Variants in CSMD3 observed in about 807,000 individuals in gnomAD.
CSMD3 encodes the protein CUB and sushi domain-containing protein 3.
Under a neutral mutation model 435.2 loss-of-function variants are expected in CSMD3, and 177 were observed. The observed-to-expected ratio is 0.41, with a 90% confidence interval of 0.36 to 0.46. CSMD3 has a LOEUF of 0.46. CSMD3 is among the 20% of genes least tolerant of loss of function. CSMD3 has a pLI of 0.34. For synonymous variants in CSMD3, 1,656 were observed against 1,520.5 expected (o/e 1.09, Z -2.07); for missense variants, 4,265 against 4,504.6 (o/e 0.95, Z 1.52).
Position 112,550,927 on chromosome 8 carries a change from G to GA in CSMD3, c.4362-55dup, listed in dbSNP as rs1203905251. 9.2e-5 allele frequency: 121 copies of GA among 1,310,556 alleles called. No homozygotes were observed. In the African/African-American group the frequency reaches 1.6e-3, roughly 17 times the overall value. 81.2% of individuals were successfully genotyped at this position (1,310,556 alleles called of 1,614,324 possible). On this transcript the variant is annotated intron_variant, in intron 26 of 70. Coordinates refer to ENST00000297405, the MANE Select transcript of CSMD3 (RefSeq NM_198123.2). ...TTTTAAACAAGGATTCAACTTTAAA[G>GA]AAAAAATAGAACAAATGTGCATTAT...
At chr8:112,535,973 C>A (rs1323929969) in intron 27 of CSMD3, among the ~76,000 whole-genome samples, 246 of 151,688 alleles carry the variant, frequency 1.6e-3, no homozygotes, top group African/African-American at 4.7e-3. Flanking sequence ...AGCCATATGT[C>A]GAAAGCTGAA....
intron 1 of CSMD3, among the ~76,000 whole-genome samples, chr8:113,430,386 A>C (rs1240361740): frequency 1.3e-5 from 2 of 151,810 alleles, no homozygotes; most frequent in Non-Finnish European, 2.9e-5. Context: ...TTTTTTACAG[A>C]TAATAAAACT....
intron 4 of CSMD3, 47 bp from the exon 5 acceptor site, chr8:113,099,010 G>T: frequency 2.4e-6 from 3 of 1,262,504 alleles, no homozygotes; most frequent in Non-Finnish European, 2.3e-6. Context: ...TGAGATAAAT[G>T]CAATTGTTCA....
chr8:112,921,857 AC>A (rs2082754367), intron 9 of CSMD3, 106 bp from the exon 10 acceptor site: 2 of 840,864 alleles, frequency 2.4e-6, no homozygotes, highest in Non-Finnish European at 4.0e-6. Flanking sequence ...TACTATAGTG[AC>A]AAAAAGTATT....
At position 112,322,158 on chromosome 8, in the gene CSMD3, A is replaced by C. The variant is rs182979266; in HGVS notation, c.7166-2177T>G. 2.4e-4 allele frequency among the ~76,000 whole-genome samples: 37 copies of C among 152,182 alleles called. No homozygotes were observed. In the East Asian group the frequency reaches 7.0e-3, roughly 29 times the overall value. On this transcript the variant is annotated intron_variant, in intron 45 of 70. Transcript: ENST00000297405. ...ATTATTTTACTTGTGTTTTTCTGTG[A>C]AGTTATTTTAATCTTCATGCTAATC...
chr8:112,621,318 T>C (rs1055037436), intron 22 of CSMD3, among the ~76,000 whole-genome samples: 1 of 152,100 alleles, frequency 6.6e-6, no homozygotes, highest in African/African-American at 2.4e-5. Context: ...ATAGTACGTA[T>C]ACAGACATCC....
intron 32 of CSMD3, among the ~76,000 whole-genome samples, chr8:112,426,615 A>C (rs537048721): frequency 6.6e-6 from 1 of 152,266 alleles, no homozygotes; most frequent in South Asian, 2.1e-4. Context: ...AGCTCTGGTG[A>C]GCTATCACCA....
At chr8:113,274,500 A>G (rs2030507) in intron 3 of CSMD3, among the ~76,000 whole-genome samples, 102,373 of 151,876 alleles carry the variant, frequency 0.67, 36,439 homozygotes, top group East Asian at 0.95. Flanking sequence ...AATTGACATC[A>G]GTGCAACATT....
chr8:113,232,574 C>T (rs897272863), intron 3 of CSMD3, among the ~76,000 whole-genome samples: 35 of 151,626 alleles, frequency 2.3e-4, no homozygotes, highest in African/African-American at 8.0e-4. Flanking sequence ...GACAGACTGG[C>T]AATAAAAGTG....
Position 112,304,762 on chromosome 8 carries a change from T to C in CSMD3, c.8225A>G (p.Asn2742Ser), listed in dbSNP as rs373308985. ...LGPASIECLP[N>S]GTWSWRNERP... ...TTCATTTCTCCAACTCCAAGTACCA[T>C]TAGGAAGACATTCGATGGAGGCAGG... The change falls in exon 52 of 71, where the codon AAT becomes AGT. Residue 2742 changes from asparagine to serine, a missense_variant. Transcript: ENST00000297405. The C allele has an allele frequency of 4.3e-6, 7 of 1,613,720 alleles. No homozygotes were observed. Among genetic ancestry groups the C allele is most frequent in the Non-Finnish European group, 5.9e-6 (7 of 1,179,792 alleles).
At chr8:112,480,123 T>C (rs1220615687) in intron 31 of CSMD3, among the ~76,000 whole-genome samples, 3 of 152,338 alleles carry the variant, frequency 2.0e-5, no homozygotes, top group South Asian at 4.1e-4. Context: ...GAAGATTATT[T>C]TGGAACTTTA....
In CSMD3 at chr8:112,682,535, C is replaced by A. The variant is rs749902871; in HGVS notation, c.2584G>T (p.Glu862Ter). The change falls in exon 16 of 71, where the codon GAA becomes TAA. Residue 862 changes from glutamate (E) to a stop codon, truncating the protein, a stop_gained. Coordinates refer to ENST00000297405, the MANE Select transcript of CSMD3 (RefSeq NM_198123.2). LOFTEE classifies it high-confidence loss of function. Reference protein sequence around the residue: ...LGSSISVICEEGFIKTQGTET... With the variant: ...LGSSISVICE ...GTTCCCTGGGTTTTAATAAATCCTT[C>A]TTCACAAATAACTGAAATTGAACTT... The A allele has an allele frequency of 6.2e-7, 1 of 1,613,568 alleles. No homozygotes were observed. The highest frequency in any genetic ancestry group is 8.5e-7 in the Non-Finnish European group (1 of 1,179,590).
chr8:112,328,910 A>T (rs1823768471), intron 45 of CSMD3, among the ~76,000 whole-genome samples: 1 of 152,122 alleles, frequency 6.6e-6, no homozygotes, highest in South Asian at 2.1e-4. Context: ...ATAAATTACC[A>T]AGTCTTGGGC....
At chr8:112,979,494 C>T (rs1185460633) in intron 6 of CSMD3, among the ~76,000 whole-genome samples, 4 of 151,428 alleles carry the variant, frequency 2.6e-5, no homozygotes, top group Admixed American at 6.6e-5. Flanking sequence ...TTTAAAAATA[C>T]TCAAAATTTT....
At position 112,351,239 on chromosome 8, in the gene CSMD3, G is replaced by A. The variant is rs149221662; in HGVS notation, c.6261C>T (p.His2087=). 8.9e-5 allele frequency: 143 copies of A among 1,605,944 alleles called. No individual in the cohort carries two copies. Among genetic ancestry groups the A allele is most frequent in the Non-Finnish European group, 1.2e-4 (135 of 1,173,132 alleles). The change falls in exon 40 of 71, where the codon CAC becomes CAT. Residue 2087 remains histidine, a synonymous_variant. Transcript: ENST00000297405. The part of the protein sequence containing the change: ...QCDQGYSLQG[H]SHITCMPGPV... ...GTCCTGGCATACATGTAATGTGAGA[G>A]TGACCCTACATAAACAAAATGATGT...
At chr8:112,852,600 C>T (rs901498135) in intron 11 of CSMD3, among the ~76,000 whole-genome samples, 8 of 151,984 alleles carry the variant, frequency 5.3e-5, no homozygotes, top group African/African-American at 1.9e-4. Flanking sequence ...GACACTCACA[C>T]GAGATAGAGT....
intron 17 of CSMD3, among the ~76,000 whole-genome samples, chr8:112,658,128 T>A (rs988571356): frequency 1.3e-5 from 2 of 152,226 alleles, no homozygotes; most frequent in Non-Finnish European, 2.9e-5. Flanking sequence ...TTTTTACTCA[T>A]GTTAAATGCA....
At chr8:113,139,139 AC>A (rs1254990292) in intron 4 of CSMD3, among the ~76,000 whole-genome samples, 1 of 151,032 alleles carries the variant, frequency 6.6e-6, no homozygotes, top group Non-Finnish European at 1.5e-5. Flanking sequence ...AGACTGAAAT[AC>A]AACATAAAAA....
chr8:113,417,430 CAA>C lies in CSMD3; in HGVS notation c.178+19245_178+19246del, dbSNP rs1387301077. On this transcript the variant is annotated intron_variant, in intron 1 of 70. Coordinates refer to ENST00000297405, the MANE Select transcript of CSMD3 (RefSeq NM_198123.2). ...GTACAAAAGTTATGATGGTAAAAAA[CAA>C]AGTCTGTTTTTGTGAAAGATAATTT... 2.0e-5 allele frequency among the ~76,000 whole-genome samples: 3 copies of C among 151,834 alleles called. No individual in the cohort carries two copies. The South Asian group carries it at 6.2e-4, about 31-fold the overall frequency.
Sources: gnomAD v4.1 joint callset for allele counts (sites outside exome capture counted in the v4.1 genomes callset) on GRCh38, gnomAD v4.1.1 for gene constraint, MANE v1.5 for transcripts, NCBI Gene and HGNC (gene_info 2026-07-23, HGNC 2026-07-21) for gene names.